The following ALDH6A1 variants were observed in gnomAD, a reference collection of about 807,000 sequenced individuals.
ALDH6A1 encodes aldehyde dehydrogenase 6 family member A1.
A neutral mutation model predicts 62.6 loss-of-function variants in ALDH6A1; 43 were observed. The ratio of observed to expected loss-of-function variants is 0.69; its 90% CI spans 0.54 to 0.89. The LOEUF (loss-of-function observed/expected upper bound fraction) is 0.89. Among genes scored for constraint, ALDH6A1 ranks in the 40% least tolerant of loss-of-function variants. ALDH6A1 has a pLI of 0.00. For synonymous variants in ALDH6A1, 194 were observed against 234.2 expected, an observed-to-expected ratio of 0.83 and a Z score of 1.57; for missense variants, 551 against 661.3, an observed-to-expected ratio of 0.83 and a Z score of 1.83.
chr14:74,071,859 T>A (rs775588434), intron 5 of ALDH6A1, 37 bp downstream of exon 5: 2 of 1,603,548 alleles, frequency 1.2e-6, no homozygotes, highest in South Asian at 1.1e-5. Flanking sequence ...CTTCCTTTGG[T>A]CCTTCCCAAA....
rs1262017384 is a variant in ALDH6A1 at position 74,071,270 on chromosome 14, T to C, written c.655A>G (p.Met219Val). The change falls in exon 6 of 12, where the codon ATG becomes GTG. Residue 219 changes from methionine to valine, a missense_variant. Coordinates refer to ENST00000553458, the MANE Select transcript of ALDH6A1 (RefSeq NM_005589.4). ...KPSERVPGAT[M>V]LLAKLLQDSG... Reference sequence around the variant, plus strand: ...TCCTGGAGCAACTTAGCAAGAAGCATAGTTGCTCCAGGGACTCGCTCAGAT... The same window carrying C: ...TCCTGGAGCAACTTAGCAAGAAGCACAGTTGCTCCAGGGACTCGCTCAGAT... 2.5e-6 allele frequency: 4 copies of C among 1,614,150 alleles called. No homozygotes were observed. The highest frequency in any genetic ancestry group is 1.1e-5 in the South Asian group (1 of 91,084).
chr14:74,069,968 C>T (rs1462362745), intron 6 of ALDH6A1, among the ~76,000 whole-genome samples: 2 of 151,006 alleles, frequency 1.3e-5, no homozygotes, highest in Admixed American at 1.3e-4. Context: ...CTTCCCACCT[C>T]ATGGGACTAC....
At position 74,060,155 on chromosome 14, in the gene ALDH6A1, TC is replaced by T; in HGVS notation, c.*486del. 6.3e-6 allele frequency: 1 copy of T among 157,942 alleles called. No homozygotes were observed. Among genetic ancestry groups the T allele is most frequent in the Admixed American group, 6.0e-5 (1 of 16,580 alleles). 9.8% of individuals were successfully genotyped at this position (157,942 alleles called of 1,614,324 possible). A position where few individuals can be genotyped will look rare whatever the true frequency, so the allele number is the denominator to read the frequency against. The stretch of plus-strand genomic sequence containing the variant: ...AACATCTTCTTTAAAAAATTTTTTT[TC>T]CCTTTTCTTTTTTTACTTTTTCAAT... On this transcript the variant is annotated 3_prime_UTR_variant, in exon 12 of 12. Transcript: ENST00000553458.
chr14:74,081,763 A>G (rs1056899371), intron 1 of ALDH6A1, among the ~76,000 whole-genome samples: 2 of 152,242 alleles, frequency 1.3e-5, no homozygotes, highest in African/African-American at 4.8e-5. Flanking sequence ...AGTACAATAA[A>G]GGAGCTTTCA....
At position 74,060,468 on chromosome 14, in the gene ALDH6A1, T is replaced by C; in HGVS notation, c.*174A>G. The C allele has an allele frequency of 1.6e-6, 1 of 630,548 alleles. No individual in the cohort carries two copies. The allele number at this position is 630,548 out of a possible 1,614,324, so 39.1% of individuals were successfully genotyped here. On this transcript the variant is annotated 3_prime_UTR_variant, in exon 12 of 12. Transcript: ENST00000553458. ...GCAAGTGAGAAATCTGGTTTCATTG[T>C]TACACTAGGCAGTTCCCTATAGAAA... is the stretch of plus-strand genomic sequence containing the variant.
Position 74,060,690 on chromosome 14 carries a change from ATCT to A in ALDH6A1, c.1557_1559del (p.Glu519del), listed in dbSNP as rs771596943. 564 of 1,614,030 alleles carry A rather than the reference ATCT, an allele frequency of 3.5e-4. 2 individuals carry two copies. The highest frequency in any genetic ancestry group is 1.2e-3 in the Middle Eastern group (7 of 6,062). On this transcript the variant is annotated inframe_deletion, in exon 12 of 12. Transcript: ENST00000553458. ...CAACAGCAGGTGAGGAAAGAGTAGCATCTTCTTCTTTCCACTGAGAAGTAATGG... is the reference window on the plus strand; with the variant it reads ...CAACAGCAGGTGAGGAAAGAGTAGCATCTTCTTTCCACTGAGAAGTAATGG...
At chr14:74,076,773 C>G (rs1326198546) in intron 1 of ALDH6A1, among the ~76,000 whole-genome samples, 2 of 152,104 alleles carry the variant, frequency 1.3e-5, no homozygotes, top group African/African-American at 4.8e-5. Context: ...TGGTCTCAAA[C>G]TCCTGACCTC....
At chr14:74,067,769 C>T (rs1469079130) in intron 7 of ALDH6A1, among the ~76,000 whole-genome samples, 200 bp from the exon 8 acceptor site, 1 of 151,498 alleles carries the variant, frequency 6.6e-6, no homozygotes, top group Non-Finnish European at 1.5e-5. Context: ...ACAAAAAATA[C>T]AAAAAATTAG....
rs1351692219 is a variant in ALDH6A1, at chr14:74,072,187, C to T, written c.348+16G>A. The T allele has an allele frequency of 1.9e-6, 3 of 1,613,998 alleles. No homozygotes were observed. The highest frequency in any genetic ancestry group is 2.5e-6 in the Non-Finnish European group (3 of 1,180,038). On this transcript the variant is annotated intron_variant, in intron 4 of 11. Coordinates refer to ENST00000553458, the MANE Select transcript of ALDH6A1 (RefSeq NM_005589.4). Reference sequence around the variant, plus strand: ...TAGGTGACAGTTTGGAAAAGCATACCATTTAGATTTCATACCAAGTTTTCT... The same window carrying T: ...TAGGTGACAGTTTGGAAAAGCATACTATTTAGATTTCATACCAAGTTTTCT...
chr14:74,057,526 G>A lies in ALDH6A1; in HGVS notation c.*3116C>T. The A allele has an allele frequency of 7.4e-7, 1 of 1,357,848 alleles. No individual in the cohort carries two copies. Among genetic ancestry groups the A allele is most frequent in the Middle Eastern group, 2.0e-4 (1 of 5,044 alleles). 84.1% of individuals were successfully genotyped at this position (1,357,848 alleles called of 1,614,324 possible). Reference sequence around the variant, plus strand: ...GAAGTAAACAGCCTAGCCAAAATGTGTACTATCTTTTACGTAAGAGTAAAC... The same window carrying A: ...GAAGTAAACAGCCTAGCCAAAATGTATACTATCTTTTACGTAAGAGTAAAC... On this transcript the variant is annotated 3_prime_UTR_variant, in exon 12 of 12. Transcript: ENST00000553458.
chr14:74,078,281 C>T (rs1595133515), intron 1 of ALDH6A1: 2 of 455,628 alleles, frequency 4.4e-6, no homozygotes, highest in East Asian at 6.9e-5. Context: ...GAGAAGGTAG[C>T]CAGCAAGCTC....
chr14:74,069,105 T>TC (rs1424982481), intron 6 of ALDH6A1, 124 bp from the exon 7 acceptor site: 53 of 913,926 alleles, frequency 5.8e-5, no homozygotes, highest in South Asian at 2.4e-4. Flanking sequence ...CTTTTTCTTT[T>TC]TTTTTTTTTT....
At chr14:74,066,360 T>C (rs912878750) in intron 9 of ALDH6A1, among the ~76,000 whole-genome samples, 1 of 152,190 alleles carries the variant, frequency 6.6e-6, no homozygotes, top group Non-Finnish European at 1.5e-5. Flanking sequence ...AATTCAAATA[T>C]CAGTGTCCAT....
intron 11 of ALDH6A1, among the ~76,000 whole-genome samples, chr14:74,061,789 A>G (rs1163163346): frequency 6.6e-6 from 1 of 152,142 alleles, no homozygotes; most frequent in Non-Finnish European, 1.5e-5. Context: ...CTCTCTATAT[A>G]TAGATATAGT....
chr14:74,065,053 AGGAAGAAATGG>A (rs1388823927), intron 10 of ALDH6A1, 117 bp downstream of exon 10: 1 of 1,397,406 alleles, frequency 7.2e-7, no homozygotes, highest in African/African-American at 1.4e-5. Flanking sequence ...TTCATTCCTG[AGGAAGAAATGG>A]GGCAATGTGG....
At position 74,057,132 on chromosome 14, in the gene ALDH6A1, T is replaced by C; in HGVS notation, c.*3510A>G. 6.2e-7 allele frequency: 1 copy of C among 1,606,856 alleles called. No individual in the cohort carries two copies. The highest frequency in any genetic ancestry group is 8.5e-7 in the Non-Finnish European group (1 of 1,175,520). ...AGTTGTTGACGGTTCTGTTATTTTGTCATTATTGCAGGGATGAAAGTAAGC... is the reference window on the plus strand; with the variant it reads ...AGTTGTTGACGGTTCTGTTATTTTGCCATTATTGCAGGGATGAAAGTAAGC... On this transcript the variant is annotated 3_prime_UTR_variant, in exon 12 of 12. Transcript: ENST00000553458.
Position 74,072,590 on chromosome 14 carries a change from C to T in ALDH6A1, c.133G>A (p.Gly45Ser), listed in dbSNP as rs375512025. ...SSVPTVKLFI[G>S]GKFVESKSDK... ...CTTTTGGATTCAACGAATTTCCCAC[C>T]AATGAAGAGCTTTACAGTTGGCTGA... The change falls in exon 3 of 12, where the codon GGT becomes AGT. Residue 45 changes from glycine (G) to serine (S), a missense_variant. By Grantham distance (56) the Gly-to-Ser change is moderately conservative. Coordinates refer to ENST00000553458, the MANE Select transcript of ALDH6A1 (RefSeq NM_005589.4). The T allele has an allele frequency of 2.5e-6, 4 of 1,613,886 alleles. No individual in the cohort carries two copies. The highest frequency in any genetic ancestry group is 1.3e-5 in the African/African-American group (1 of 74,960).
Position 74,057,399 on chromosome 14 carries a change from A to C in ALDH6A1, c.*3243T>G, listed in dbSNP as rs1263089772. On this transcript the variant is annotated 3_prime_UTR_variant, in exon 12 of 12. Coordinates refer to ENST00000553458, the MANE Select transcript of ALDH6A1 (RefSeq NM_005589.4). ...AATGAGTAATAAATAGCATTAGTAG[A>C]TTACATAAATTTTTAAAGCAATATC... 6.5e-7 allele frequency: 1 copy of C among 1,532,158 alleles called. No individual in the cohort carries two copies. Among genetic ancestry groups the C allele is most frequent in the South Asian group, 1.2e-5 (1 of 82,648 alleles). 94.9% of individuals were successfully genotyped at this position (1,532,158 alleles called of 1,614,324 possible). A position where few individuals can be genotyped will look rare whatever the true frequency, so the allele number is the denominator to read the frequency against.
Position 74,057,804 on chromosome 14 carries a change from G to GAAAAAATAT in ALDH6A1, c.*2837_*2838insATATTTTTT. 1 of 1,037,834 alleles carries GAAAAAATAT rather than the reference G, an allele frequency of 9.6e-7. No homozygotes were observed. Among genetic ancestry groups the GAAAAAATAT allele is most frequent in the Admixed American group, 5.3e-5 (1 of 18,830 alleles). The allele number at this position is 1,037,834 out of a possible 1,614,324, so 64.3% of individuals were successfully genotyped here. A position where few individuals can be genotyped will look rare whatever the true frequency, so the allele number is the denominator to read the frequency against. ...CCGCGATCACATGAATATAACTGAT[G>GAAAAAATAT]AGTTTTTTTCATCTAAGAAATAAGA... On this transcript the variant is annotated 3_prime_UTR_variant, in exon 12 of 12. Coordinates refer to ENST00000553458, the MANE Select transcript of ALDH6A1 (RefSeq NM_005589.4).
Sources: gnomAD v4.1 joint callset for allele counts (sites outside exome capture counted in the v4.1 genomes callset) on GRCh38, gnomAD v4.1.1 for gene constraint, MANE v1.5 for transcripts, NCBI Gene and HGNC (gene_info 2026-07-23, HGNC 2026-07-21) for gene names.